ULK1: variants seen among roughly 807,000 people sequenced by gnomAD.
The protein encoded by ULK1 is serine/threonine-protein kinase ULK1.
A neutral mutation model predicts 117.5 loss-of-function variants in ULK1; 48 were observed. The observed-to-expected ratio is 0.41, with a 90% confidence interval of 0.32 to 0.52. The LOEUF (loss-of-function observed/expected upper bound fraction) is 0.52, where lower values mean the gene tolerates loss of function less well. Ranked by LOEUF, ULK1 falls within the 20% of genes least tolerant of loss-of-function variation. The probability of loss-of-function intolerance (pLI) is 0.29; values close to 1 mark genes in which losing one functional copy is unlikely to be tolerated. For synonymous variants in ULK1, 790 were observed against 637.8 expected, an observed-to-expected ratio of 1.24 and a Z score of -3.60; for missense variants, 1,387 against 1,473.4, an observed-to-expected ratio of 0.94 and a Z score of 0.96.
Position 131,895,903 on chromosome 12 carries a change from C to T in ULK1, c.246+79C>T, listed in dbSNP as rs965934985. On this transcript the variant is annotated intron_variant, in intron 3 of 27. Transcript: ENST00000321867. Reference sequence around the variant, plus strand: ...CAGGTGCTGGATCCCCTGGTGAGCACTGGTGTTGAGCCTGTCCAGGCTGGG... The same window carrying T: ...CAGGTGCTGGATCCCCTGGTGAGCATTGGTGTTGAGCCTGTCCAGGCTGGG... 24 of 1,578,930 alleles carry T rather than the reference C, an allele frequency of 1.5e-5. No individual in the cohort carries two copies. The African/African-American group carries it at 2.6e-4, about 17-fold the overall frequency.
At position 131,906,934 on chromosome 12, in the gene ULK1, T is replaced by C. The variant is rs1251318845; in HGVS notation, c.279+10T>C. The C allele has an allele frequency of 6.2e-7, 1 of 1,614,040 alleles. No homozygotes were observed. The highest frequency in any genetic ancestry group is 1.7e-5 in the Admixed American group (1 of 60,020). On this transcript the variant is annotated intron_variant, in intron 4 of 27. Transcript: ENST00000321867. ...CTACCTGGTTATGGAGGTGAGTGCCTTGTGGTGCCAGGACAAGTGCAGGCT... is the reference window on the plus strand; with the variant it reads ...CTACCTGGTTATGGAGGTGAGTGCCCTGTGGTGCCAGGACAAGTGCAGGCT...
chr12:131,897,444 A>G (rs1888920115), intron 3 of ULK1: 1 of 152,110 alleles, frequency 6.6e-6, no homozygotes, highest in South Asian at 2.1e-4. Context: ...GCCACCGGGG[A>G]CAGCCATCCT....
In ULK1 at chr12:131,910,729, C is replaced by A; in HGVS notation, c.877C>A (p.Pro293Thr). 1 of 1,613,048 alleles carries A rather than the reference C, an allele frequency of 6.2e-7. No individual in the cohort carries two copies. Among genetic ancestry groups the A allele is most frequent in the Non-Finnish European group, 8.5e-7 (1 of 1,179,914 alleles). The change falls in exon 12 of 28, where the codon CCC becomes ACC. Residue 293 changes from proline to threonine, a missense_variant. By Grantham distance (38) the Pro-to-Thr change is conservative. Coordinates refer to ENST00000321867, the MANE Select transcript of ULK1 (RefSeq NM_003565.4). ...SVRKSPPVPV[P>T]SYPSSGSGSS... ...TATCTCAGCCCCACCCGTGCCTGTG[C>A]CCTCGTACCCAAGCTCGGGGTCCGG...
Position 131,917,059 on chromosome 12 carries a change from A to T in ULK1, c.2179A>T (p.Ile727Phe). 1.6e-6 allele frequency: 2 copies of T among 1,237,792 alleles called. No individual in the cohort carries two copies. The highest frequency in any genetic ancestry group is 4.9e-5 in the East Asian group (1 of 20,572). The allele number at this position is 1,237,792 out of a possible 1,614,324, so 76.7% of individuals were successfully genotyped here. ...GAGCCTGCAGGAGAAGCCCATGGAGATCGGTGTGTGGGTGGGTGGGGCTCG... is the reference window on the plus strand; with the variant it reads ...GAGCCTGCAGGAGAAGCCCATGGAGTTCGGTGTGTGGGTGGGTGGGGCTCG... ...TESLQEKPME[I>F]APSAGFGGSL... The change falls in exon 21 of 28, where the codon ATC becomes TTC. Residue 727 changes from isoleucine (I) to phenylalanine (F), a missense_variant. Coordinates refer to ENST00000321867, the MANE Select transcript of ULK1 (RefSeq NM_003565.4).
At position 131,919,459 on chromosome 12, in the gene ULK1, C is replaced by A; in HGVS notation, c.2685-13C>A. ...GACCAACCGGCCTCCTCTGATCTGC[C>A]TGCCGCCCCCAGCTTCGCGGAACAG... On this transcript the variant is annotated splice_polypyrimidine_tract_variant and intron_variant, in intron 24 of 27. Transcript: ENST00000321867. 1 of 1,607,582 alleles carries A rather than the reference C, an allele frequency of 6.2e-7. No homozygotes were observed.
Position 131,921,002 on chromosome 12 carries a change from A to G in ULK1, c.2962-98A>G, listed in dbSNP as rs368196407. ...CTCCACGTCACTGCCCTGAGCGCCTATCTGCCACCCCTGGGCCGCTGCCGT... is the reference window on the plus strand; with the variant it reads ...CTCCACGTCACTGCCCTGAGCGCCTGTCTGCCACCCCTGGGCCGCTGCCGT... On this transcript the variant is annotated intron_variant, in intron 26 of 27. Transcript: ENST00000321867. 1,018 of 1,448,438 alleles carry G rather than the reference A, an allele frequency of 7.0e-4. 22 individuals are homozygous for G. The South Asian group carries it at 0.013, about 19-fold the overall frequency. The allele number at this position is 1,448,438 out of a possible 1,614,324, so 89.7% of individuals were successfully genotyped here. A position where few individuals can be genotyped will look rare whatever the true frequency, so the allele number is the denominator to read the frequency against.
Position 131,908,653 on chromosome 12 carries a change from C to T in ULK1, c.326C>T (p.Thr109Met). Residue 109 changes from threonine to methionine, a missense_variant, in exon 6 of 28, where the codon ACG becomes ATG. By Grantham distance (81) the Thr-to-Met change is moderately conservative. Transcript: ENST00000321867. ...DLADYLHAMRTLSEDTIRLFL... is the reference protein window; with the variant it reads ...DLADYLHAMRMLSEDTIRLFL... Reference sequence around the variant, plus strand: ...CCGCCTCTCCCCGCAGCCATGCGCACGCTGAGCGAGGACACCATCAGGCTC... The same window carrying T: ...CCGCCTCTCCCCGCAGCCATGCGCATGCTGAGCGAGGACACCATCAGGCTC... The T allele has an allele frequency of 1.3e-6, 2 of 1,537,070 alleles. No individual in the cohort carries two copies. The highest frequency in any genetic ancestry group is 1.7e-6 in the Non-Finnish European group (2 of 1,147,466).
rs2136415081 is a variant in ULK1, at chr12:131,920,064, C to T, written c.2889C>T (p.Asp963=). 1 of 1,612,844 alleles carries T rather than the reference C, an allele frequency of 6.2e-7. No individual in the cohort carries two copies. The highest frequency in any genetic ancestry group is 2.2e-5 in the East Asian group (1 of 44,888). The change falls in exon 26 of 28, where the codon GAC becomes GAT. Residue 963 remains aspartate, a synonymous_variant. Coordinates refer to ENST00000321867, the MANE Select transcript of ULK1 (RefSeq NM_003565.4). ...TGCGGCTGCAGCGCTTCTTCCTGGA[C>T]AAGCAGCGGCTCCTGGACCGCATTC... ...LSLRLQRFFL[D]KQRLLDRIHS...
chr12:131,895,385 C>A (rs140571070), intron 1 of ULK1, among the ~76,000 whole-genome samples: 4 of 151,906 alleles, frequency 2.6e-5, no homozygotes, highest in African/African-American at 9.7e-5. Flanking sequence ...AACCCTCACC[C>A]CGGGACACCC....
chr12:131,909,051 CT>C, intron 7 of ULK1, 80 bp downstream of exon 7: 1 of 1,609,926 alleles, frequency 6.2e-7, no homozygotes, highest in Non-Finnish European at 8.5e-7. Flanking sequence ...GTGGTGCGCT[CT>C]GCTCTGGTTG....
rs758218673 is a variant in ULK1, at chr12:131,920,146, A to G, written c.2961+10A>G. 30 of 1,608,908 alleles carry G rather than the reference A, an allele frequency of 1.9e-5. No homozygotes were observed. The highest frequency in any genetic ancestry group is 2.4e-5 in the Non-Finnish European group (28 of 1,176,882). On this transcript the variant is annotated intron_variant, in intron 26 of 27. Transcript: ENST00000321867. ...CCACGCTGTGCAGATGGTACGGGACAGACAGACACCAGTGGGGCAGGGGCC... is the reference window on the plus strand; with the variant it reads ...CCACGCTGTGCAGATGGTACGGGACGGACAGACACCAGTGGGGCAGGGGCC...
intron 23 of ULK1, among the ~76,000 whole-genome samples, 156 bp downstream of exon 23, chr12:131,918,837 TGGGGTGTCGGG>T (rs1566129072): frequency 1.7e-5 from 1 of 57,824 alleles, no homozygotes. Context: ...GTGTGGGGTG[TGGGGTGTCGGG>T]TGTGTGGGGT....
At position 131,915,990 on chromosome 12, in the gene ULK1, T is replaced by C; in HGVS notation, c.1709T>C (p.Leu570Pro). Residue 570 changes from leucine to proline, a missense_variant, in exon 19 of 28, where the codon CTG becomes CCG. This residue lies in a region of ULK1 where 900 missense variants were observed against 858.9 expected (regional missense o/e 1.05). Transcript: ENST00000321867. The part of the protein sequence containing the change: ...LSDLHVVRPK[L>P]PKPPTDPLGA... ...GACTTGCACGTCGTCCGCCCCAAGC[T>C]GCCCAAACCCCCCACGGACCCCCTG... 6.2e-7 allele frequency: 1 copy of C among 1,612,200 alleles called. No individual in the cohort carries two copies.
intron 3 of ULK1, among the ~76,000 whole-genome samples, chr12:131,904,773 G>A (rs941255406): frequency 7.9e-5 from 12 of 152,254 alleles, no homozygotes; most frequent in South Asian, 2.1e-4. Flanking sequence ...GGAGAAATGT[G>A]GGCACCTATG....
At chr12:131,919,629 G>C (rs1316740612) in intron 25 of ULK1, 39 bp downstream of exon 25, 1 of 1,596,598 alleles carries the variant, frequency 6.3e-7, no homozygotes, top group Admixed American at 1.7e-5. Context: ...GCCGGGTTGG[G>C]GAGGAAGCCC....
chr12:131,915,500 G>C, intron 18 of ULK1, 79 bp downstream of exon 18: 1 of 1,511,912 alleles, frequency 6.6e-7, no homozygotes, highest in Non-Finnish European at 8.9e-7. Context: ...TAAAGCCCTT[G>C]CTCTTTCCAA....
chr12:131,906,353 T>A (rs1408300705), intron 3 of ULK1: 1 of 154,444 alleles, frequency 6.5e-6, no homozygotes, highest in East Asian at 1.9e-4. Flanking sequence ...CCTCCCAAAG[T>A]GTTGGGATTA....
intron 14 of ULK1, 138 bp downstream of exon 14, chr12:131,913,396 A>C (rs1157110578): frequency 1.2e-5 from 12 of 993,222 alleles, no homozygotes; most frequent in Non-Finnish European, 1.6e-5. Flanking sequence ...TGTCTCAAAA[A>C]AAAAAAAAGT....
chr12:131,920,979 C>T, intron 26 of ULK1, 121 bp from the exon 27 acceptor site: 1 of 1,369,588 alleles, frequency 7.3e-7, no homozygotes, highest in East Asian at 2.5e-5. Context: ...ACTTATGTCT[C>T]CACGTCACTG....
Sources: gnomAD v4.1 joint callset for allele counts (sites outside exome capture counted in the v4.1 genomes callset) on GRCh38, gnomAD v4.1.1 for gene constraint, gnomAD v4.1.1 regional missense constraint, MANE v1.5 for transcripts, NCBI Gene and HGNC (gene_info 2026-07-23, HGNC 2026-07-21) for gene names.